PPP2R1A: variants seen among roughly 807,000 people sequenced by gnomAD.
PPP2R1A encodes protein phosphatase 2 scaffold subunit Aalpha.
In PPP2R1A, 15 loss-of-function variants were observed where a neutral mutation model predicts 67.1. That is an observed-to-expected ratio of 0.22 (90% CI 0.15 to 0.34). The LOEUF is 0.34. Ranked by LOEUF, PPP2R1A falls within the 10% of genes least tolerant of loss-of-function variation. PPP2R1A has a pLI of 1.00. For synonymous variants in PPP2R1A, 337 were observed against 325.0 expected, an observed-to-expected ratio of 1.04 and a Z score of -0.40; for missense variants, 369 against 775.0, an observed-to-expected ratio of 0.48 and a Z score of 6.22.
At chr19:52,197,322 C>T (rs1204864205) in intron 1 of PPP2R1A, among the ~76,000 whole-genome samples, 3 of 151,992 alleles carry the variant, frequency 2.0e-5, no homozygotes, top group Non-Finnish European at 4.4e-5. Flanking sequence ...TTCAAAATTG[C>T]GTTCATTATT....
chr19:52,208,345 T>G (rs939816161), intron 3 of PPP2R1A, among the ~76,000 whole-genome samples: 13 of 151,334 alleles, frequency 8.6e-5, no homozygotes, highest in South Asian at 2.1e-4. Flanking sequence ...ATTTTTGCAT[T>G]TTTAGTAGAG....
At chr19:52,220,950 C>T in intron 11 of PPP2R1A, 29 bp from the exon 12 acceptor site, 1 of 1,612,806 alleles carries the variant, frequency 6.2e-7, no homozygotes. Flanking sequence ...CTCCAAATCC[C>T]TGTCTCTCTC....
chr19:52,224,888 T>A (rs1979159171), intron 13 of PPP2R1A, among the ~76,000 whole-genome samples: 1 of 151,860 alleles, frequency 6.6e-6, no homozygotes, highest in South Asian at 2.1e-4. Context: ...TGAGTAGAGA[T>A]GGGGGTTTTC....
chr19:52,212,405 T>C lies in PPP2R1A; in HGVS notation c.504-281T>C. ...TGGCTCGTTGGTTAAGCAATTTTTA[T>C]GGGAATGATGTAATCGTCAGCACTT... On this transcript the variant is annotated intron_variant, in intron 4 of 14. Coordinates refer to ENST00000322088, the MANE Select transcript of PPP2R1A (RefSeq NM_014225.6). This position sits in a 1 kb window ranked among gnomAD's most constrained non-coding sequence, Gnocchi z 4.1. The C allele has an allele frequency of 2.3e-6, 1 of 429,756 alleles. No individual in the cohort carries two copies. Among genetic ancestry groups the C allele is most frequent in the Non-Finnish European group, 4.2e-6 (1 of 238,704 alleles). The allele number at this position is 429,756 out of a possible 1,614,324, so 26.6% of individuals were successfully genotyped here.
intron 12 of PPP2R1A, among the ~76,000 whole-genome samples, chr19:52,221,740 G>T (rs1173643985): frequency 6.6e-6 from 1 of 152,036 alleles, no homozygotes; most frequent in Non-Finnish European, 1.5e-5. Flanking sequence ...ACTTATTTAT[G>T]TGTAAACCAT....
intron 3 of PPP2R1A, among the ~76,000 whole-genome samples, chr19:52,207,437 G>T (rs2089615704): frequency 6.6e-6 from 1 of 152,192 alleles, no homozygotes; most frequent in South Asian, 2.1e-4. Context: ...GTGGAGCTGG[G>T]CTGGGACCCA....
In PPP2R1A at chr19:52,213,433, C is replaced by T. The variant is rs527719000; in HGVS notation, c.807+323C>T. 2.0e-5 allele frequency among the ~76,000 whole-genome samples: 3 copies of T among 148,048 alleles called. No individual in the cohort carries two copies. The East Asian group carries it at 5.9e-4, about 29-fold the overall frequency. ...TGTCCTTTCACAAAGGGGAAGACAG[C>T]CCAAAAAGGTGGGGTTTTTTGGTGT... is the stretch of plus-strand genomic sequence containing the variant. On this transcript the variant is annotated intron_variant, in intron 6 of 14. Coordinates refer to ENST00000322088, the MANE Select transcript of PPP2R1A (RefSeq NM_014225.6). The surrounding 1 kb of genome is among the most constrained non-coding windows in gnomAD (Gnocchi z 4.2).
At chr19:52,195,669 C>T (rs1259319705) in intron 1 of PPP2R1A, among the ~76,000 whole-genome samples, 1 of 152,100 alleles carries the variant, frequency 6.6e-6, no homozygotes, top group Non-Finnish European at 1.5e-5. Context: ...GCTCTCAGAA[C>T]TCAGGGAAAC....
chr19:52,225,166 C>T (rs747937540), intron 13 of PPP2R1A, among the ~76,000 whole-genome samples: 7 of 151,782 alleles, frequency 4.6e-5, no homozygotes, highest in Non-Finnish European at 1.0e-4. Context: ...CACAGGCGTG[C>T]ACCACCACGC....
chr19:52,194,321 A>G (rs1398820072), intron 1 of PPP2R1A, among the ~76,000 whole-genome samples: 3 of 152,134 alleles, frequency 2.0e-5, no homozygotes, highest in Non-Finnish European at 1.5e-5. Flanking sequence ...AAGCACAGCA[A>G]AAAGGCCAGT....
rs752932317 is a variant in PPP2R1A, at chr19:52,201,925, CT to C, written c.79-17del. 2 of 1,611,522 alleles carry C rather than the reference CT, an allele frequency of 1.2e-6. No homozygotes were observed. Among genetic ancestry groups the C allele is most frequent in the South Asian group, 1.1e-5 (1 of 91,006 alleles). On this transcript the variant is annotated intron_variant, in intron 1 of 14. Transcript: ENST00000322088. ...GGGATTTCTAACATTCTCCCCTCCTCTTCTTGTTCTCTCATTAGCTTCGCCT... is the reference window on the plus strand; with the variant it reads ...GGGATTTCTAACATTCTCCCCTCCTCTCTTGTTCTCTCATTAGCTTCGCCT...
chr19:52,211,571 C>G lies in PPP2R1A; in HGVS notation c.503+79C>G. ...TCTAAAGCCTCAGACTCCTTTTGGT[C>G]TAGCTGGGGCCCAAATGCCCCTGAA... On this transcript the variant is annotated intron_variant, in intron 4 of 14. Coordinates refer to ENST00000322088, the MANE Select transcript of PPP2R1A (RefSeq NM_014225.6). This position sits in a 1 kb window ranked among gnomAD's most constrained non-coding sequence, Gnocchi z 5.3. The G allele has an allele frequency of 7.0e-7, 1 of 1,437,332 alleles. No individual in the cohort carries two copies. Among genetic ancestry groups the G allele is most frequent in the Non-Finnish European group, 9.4e-7 (1 of 1,064,926 alleles). 89.0% of individuals were successfully genotyped at this position (1,437,332 alleles called of 1,614,324 possible).
Position 52,209,099 on chromosome 19 carries a change from G to C in PPP2R1A, c.271-2161G>C, listed in dbSNP as rs1367273405. 2.0e-5 allele frequency among the ~76,000 whole-genome samples: 3 copies of C among 152,172 alleles called. No individual in the cohort carries two copies. In the East Asian group the frequency reaches 5.8e-4, roughly 29 times the overall value. On this transcript the variant is annotated intron_variant, in intron 3 of 14. Transcript: ENST00000322088. Reference sequence around the variant, plus strand: ...AGGCCTCCGGGTGATTCTGCTGCAGGGTGGTCAGGGATCATCCTTTGAGAA... The same window carrying C: ...AGGCCTCCGGGTGATTCTGCTGCAGCGTGGTCAGGGATCATCCTTTGAGAA...
At chr19:52,215,641 CGAATTA>C in intron 6 of PPP2R1A, 132 bp from the exon 7 acceptor site, 1 of 672,128 alleles carries the variant, frequency 1.5e-6, no homozygotes, top group Non-Finnish European at 2.6e-6. Context: ...TCTTGGCACT[CGAATTA>C]GATTTTAGCA....
In PPP2R1A at chr19:52,229,106, A is replaced by C. The variant is rs1273852695; in HGVS notation, c.*3125A>C. On this transcript the variant is annotated 3_prime_UTR_variant, in exon 15 of 15. Transcript: ENST00000322088. Reference sequence around the variant, plus strand: ...GTGGCCATCAGGGCTGGAGGGAAGGAGGCCAGGTTCATCTACCCAAGCTGG... The same window carrying C: ...GTGGCCATCAGGGCTGGAGGGAAGGCGGCCAGGTTCATCTACCCAAGCTGG... 7 of 152,134 alleles carry C rather than the reference A, an allele frequency of 4.6e-5. No individual in the cohort carries two copies. The highest frequency in any genetic ancestry group is 5.9e-5 in the Non-Finnish European group (4 of 68,110). The allele number at this position is 152,134 out of a possible 1,614,324, so 9.4% of individuals were successfully genotyped here.
rs1030872817 is a variant in PPP2R1A, at chr19:52,209,339, G to A, written c.271-1921G>A. 5.3e-5 allele frequency among the ~76,000 whole-genome samples: 8 copies of A among 152,090 alleles called. No homozygotes were observed. The South Asian group carries it at 6.2e-4, about 12-fold the overall frequency. On this transcript the variant is annotated intron_variant, in intron 3 of 14. Transcript: ENST00000322088. ...GTCCCTGCAGTATCCCAGTCACACC[G>A]CACCTATGGTCACACTCCCATGATA...
chr19:52,216,180 C>T lies in PPP2R1A; in HGVS notation c.993+106C>T. 8.0e-7 allele frequency: 1 copy of T among 1,251,632 alleles called. No homozygotes were observed. The highest frequency in any genetic ancestry group is 1.1e-6 in the Non-Finnish European group (1 of 876,022). The allele number at this position is 1,251,632 out of a possible 1,614,324, so 77.5% of individuals were successfully genotyped here. On this transcript the variant is annotated intron_variant, in intron 8 of 14. Transcript: ENST00000322088. The surrounding 1 kb of genome is among the most constrained non-coding windows in gnomAD (Gnocchi z 4.3). Reference sequence around the variant, plus strand: ...GTCAGCTGCAAACTAGGTTCCCAGCCCTCTGGGACCAGGCAGCTCTTGGGT... The same window carrying T: ...GTCAGCTGCAAACTAGGTTCCCAGCTCTCTGGGACCAGGCAGCTCTTGGGT...
intron 3 of PPP2R1A, among the ~76,000 whole-genome samples, chr19:52,206,313 A>T (rs935943316): frequency 6.6e-6 from 1 of 152,202 alleles, no homozygotes; most frequent in South Asian, 2.1e-4. Context: ...GGGATTCTAC[A>T]TAGGGCTGTG....
rs1483967733 is a variant in PPP2R1A, at chr19:52,228,696, C to T, written c.*2715C>T. ...CTCTCTAGGCCTAAATCCCAGCAGTCACACTGGCCATCTCTAATGGTTCCT... is the reference window on the plus strand; with the variant it reads ...CTCTCTAGGCCTAAATCCCAGCAGTTACACTGGCCATCTCTAATGGTTCCT... On this transcript the variant is annotated 3_prime_UTR_variant, in exon 15 of 15. Coordinates refer to ENST00000322088, the MANE Select transcript of PPP2R1A (RefSeq NM_014225.6). 6.6e-6 allele frequency: 1 copy of T among 152,234 alleles called. No individual in the cohort carries two copies. Among genetic ancestry groups the T allele is most frequent in the East Asian group, 1.9e-4 (1 of 5,186 alleles). 9.4% of individuals were successfully genotyped at this position (152,234 alleles called of 1,614,324 possible).
Sources: allele counts gnomAD v4.1 joint callset (sites outside exome capture counted in the v4.1 genomes callset), GRCh38; gene constraint gnomAD v4.1.1; non-coding constraint Gnocchi (gnomAD v3.1); transcripts MANE v1.5; gene names NCBI Gene and HGNC (gene_info 2026-07-23, HGNC 2026-07-21).